GALNT2: variants seen among roughly 807,000 people sequenced by gnomAD.
GALNT2 encodes UDP-GalNAc:polypeptide N-acetylgalactosaminyltransferase 2.
A neutral mutation model predicts 81.4 loss-of-function variants in GALNT2; 31 were observed. That is an observed-to-expected ratio of 0.38 (90% CI 0.29 to 0.51). The LOEUF (loss-of-function observed/expected upper bound fraction) is 0.51. Ranked by LOEUF, GALNT2 falls within the 20% of genes least tolerant of loss-of-function variation. The pLI is 0.87. For missense variants in GALNT2, 629 were observed against 765.7 expected (o/e 0.82, Z 2.11); for synonymous variants, 303 against 287.4 (o/e 1.05, Z -0.55).
In GALNT2 at chr1:230,111,525, G is replaced by C. The variant is rs571216274; in HGVS notation, c.126+44119G>C. ...TCTGAGAAAGCATCCCTCCTTCAGG[G>C]CATGTACCCAAGTAGTCTTTCTCTT... On this transcript the variant is annotated intron_variant, in intron 1 of 15. Transcript: ENST00000366672. Among the ~76,000 whole-genome samples, 16 of 152,328 alleles carry C rather than the reference G, an allele frequency of 1.1e-4. 1 individual carries two copies. The highest frequency in any genetic ancestry group is 3.4e-4 in the African/African-American group (14 of 41,572).
At chr1:230,266,989 G>C (rs891403132) in intron 14 of GALNT2, among the ~76,000 whole-genome samples, 1 of 146,678 alleles carries the variant, frequency 6.8e-6, no homozygotes, top group Non-Finnish European at 1.5e-5. Context: ...GCACGTGTGT[G>C]ACACACACAC....
At position 230,157,296 on chromosome 1, in the gene GALNT2, C is replaced by G. The variant is rs79625496; in HGVS notation, c.127-20922C>G. ...AAAGCTGCATTATGTCACTATACAC[C>G]TAGGGGAGTGGCTTTGGGGGGAAAA... On this transcript the variant is annotated intron_variant, in intron 1 of 15. Transcript: ENST00000366672. 3.6e-3 allele frequency among the ~76,000 whole-genome samples: 551 copies of G among 152,278 alleles called. 25 individuals are homozygous for G. In the South Asian group the frequency reaches 0.075, roughly 21 times the overall value.
chr1:230,165,528 C>T (rs2102851504), intron 1 of GALNT2, among the ~76,000 whole-genome samples: 1 of 152,314 alleles, frequency 6.6e-6, no homozygotes, highest in East Asian at 1.9e-4. Context: ...CAGTCGCTTT[C>T]TAGTTCTTGA....
upstream of GALNT2, among the ~76,000 whole-genome samples, chr1:230,066,941 G>T (rs1310173062): frequency 6.6e-6 from 1 of 150,456 alleles, no homozygotes; most frequent in African/African-American, 2.4e-5. Flanking sequence ...TCACGGCGGA[G>T]CCCGGCGTGC....
At position 230,079,705 on chromosome 1, in the gene GALNT2, G is replaced by A. The variant is rs542057364; in HGVS notation, c.126+12299G>A. ...GATGTGGATGATCGAGAAGCAGAGA[G>A]CCGGGAGGAGAATGTAATTCAAGTC... On this transcript the variant is annotated intron_variant, in intron 1 of 15. Coordinates refer to ENST00000366672, the MANE Select transcript of GALNT2 (RefSeq NM_004481.5). Among the ~76,000 whole-genome samples the A allele has an allele frequency of 3.9e-5, 6 of 152,338 alleles. No homozygotes were observed. In the South Asian group the frequency reaches 6.2e-4, roughly 16 times the overall value.
intron 1 of GALNT2, among the ~76,000 whole-genome samples, chr1:230,147,900 G>C (rs57012367): frequency 0.044 from 6,763 of 152,264 alleles, 610 homozygotes; most frequent in East Asian, 0.42. Context: ...TTGCTTGTTG[G>C]AGGTTGGCAG....
intron 1 of GALNT2, among the ~76,000 whole-genome samples, chr1:230,120,049 C>T (rs966677916): frequency 1.3e-5 from 2 of 151,878 alleles, no homozygotes; most frequent in African/African-American, 2.4e-5. Flanking sequence ...CTATTGGGCT[C>T]AGGGCGGCCT....
intron 1 of GALNT2, among the ~76,000 whole-genome samples, chr1:230,162,814 C>T (rs1360962540): frequency 6.6e-6 from 1 of 152,186 alleles, no homozygotes; most frequent in Non-Finnish European, 1.5e-5. Flanking sequence ...GATGGACAGG[C>T]CTTGCTGGGC....
At chr1:230,095,871 G>A (rs935025826) in intron 1 of GALNT2, among the ~76,000 whole-genome samples, 1 of 152,246 alleles carries the variant, frequency 6.6e-6, no homozygotes, top group African/African-American at 2.4e-5. Flanking sequence ...GAGACATGTT[G>A]GAGGGGAGGG....
At chr1:230,234,110 G>A (rs758934346) in intron 3 of GALNT2, among the ~76,000 whole-genome samples, 15 of 152,144 alleles carry the variant, frequency 9.9e-5, no homozygotes. Context: ...CCAAGAGTGG[G>A]GTCTTGGTGT....
intron 2 of GALNT2, among the ~76,000 whole-genome samples, chr1:230,201,076 T>A (rs1306423257): frequency 2.6e-5 from 4 of 152,150 alleles, no homozygotes; most frequent in African/African-American, 4.8e-5. Context: ...CTTGAAAATA[T>A]ATGAGGGTGA....
intron 2 of GALNT2, 72 bp downstream of exon 2, chr1:230,178,383 A>G: frequency 8.5e-7 from 1 of 1,171,646 alleles, no homozygotes; most frequent in Non-Finnish European, 1.2e-6. Flanking sequence ...TGGCTCTTGG[A>G]GCAGGTGGTC....
At chr1:230,203,104 C>G in intron 2 of GALNT2, 33 bp from the exon 3 acceptor site, 3 of 1,591,516 alleles carry the variant, frequency 1.9e-6, no homozygotes, top group Non-Finnish European at 2.6e-6. Context: ...TCACATTTTC[C>G]CTCATCCCTA....
At chr1:230,235,182 C>CTAGGATGG (rs1355152718) in intron 3 of GALNT2, among the ~76,000 whole-genome samples, 9 of 135,280 alleles carry the variant, frequency 6.7e-5, no homozygotes, top group Non-Finnish European at 3.1e-5. Context: ...CCACTGCACT[C>CTAGGATGG]TAGGATGGGT....
At position 230,257,580 on chromosome 1, in the gene GALNT2, T is replaced by C. The variant is rs1416706624; in HGVS notation, c.1136+2236T>C. Among the ~76,000 whole-genome samples the C allele has an allele frequency of 6.6e-6, 1 of 152,236 alleles. No individual in the cohort carries two copies. ...ATGTAGCCTAGGTGTATATTAAGGA[T>C]ACACCATCTAGGTTTGTGTAAATAT... On this transcript the variant is annotated intron_variant, in intron 11 of 15. Transcript: ENST00000366672. The surrounding 1 kb of genome is among the most constrained non-coding windows in gnomAD (Gnocchi z 4.6).
Position 230,067,263 on chromosome 1 carries a change from G to A in GALNT2, c.-18G>A, listed in dbSNP as rs1659220493. 3.1e-6 allele frequency: 4 copies of A among 1,293,600 alleles called. No homozygotes were observed. Among genetic ancestry groups the A allele is most frequent in the Admixed American group, 3.6e-5 (1 of 27,932 alleles). 80.1% of individuals were successfully genotyped at this position (1,293,600 alleles called of 1,614,324 possible). A position where few individuals can be genotyped will look rare whatever the true frequency, so the allele number is the denominator to read the frequency against. ...ACTCGCGAGCAGCGGCGGCCCCGCC[G>A]GCGGCCGAGTTGGGAGAATGCGGCG... On this transcript the variant is annotated 5_prime_UTR_variant, in exon 1 of 16. Coordinates refer to ENST00000366672, the MANE Select transcript of GALNT2 (RefSeq NM_004481.5).
intron 3 of GALNT2, among the ~76,000 whole-genome samples, chr1:230,224,818 G>A (rs1315829957): frequency 6.6e-6 from 1 of 152,236 alleles, no homozygotes; most frequent in Non-Finnish European, 1.5e-5. Context: ...CAGTAAATAC[G>A]ATAGGCTTGA....
intron 7 of GALNT2, among the ~76,000 whole-genome samples, chr1:230,244,520 G>T (rs370170979): frequency 1.9e-5 from 2 of 103,830 alleles, no homozygotes; most frequent in Non-Finnish European, 3.5e-5. Flanking sequence ...GCTACGCTCC[G>T]CCAGGCTGTC....
chr1:230,140,547 G>C (rs1292973507), intron 1 of GALNT2, among the ~76,000 whole-genome samples: 1 of 152,204 alleles, frequency 6.6e-6, no homozygotes, highest in African/African-American at 2.4e-5. Context: ...TCGGAACCGG[G>C]AGTACTGTCA....
Sources: gnomAD v4.1 joint callset for allele counts (sites outside exome capture counted in the v4.1 genomes callset) on GRCh38, gnomAD v4.1.1 for gene constraint, Gnocchi (gnomAD v3.1) non-coding constraint, MANE v1.5 for transcripts, NCBI Gene and HGNC (gene_info 2026-07-23, HGNC 2026-07-21) for gene names.